The following TSPAN5 variants were observed in gnomAD, a reference collection of about 807,000 sequenced individuals.
TSPAN5 encodes tetraspanin 5.
TSPAN5 carries 10 observed loss-of-function variants against 37.1 expected under a neutral mutation model. That is an observed-to-expected ratio of 0.27 (90% CI 0.17 to 0.46). TSPAN5 has a LOEUF of 0.46. TSPAN5 is among the 20% of genes least tolerant of loss of function. TSPAN5 has a pLI of 1.00. For synonymous variants in TSPAN5, 110 were observed against 118.9 expected, an observed-to-expected ratio of 0.93 and a Z score of 0.48; for missense variants, 195 against 326.6, an observed-to-expected ratio of 0.60 and a Z score of 3.11.
chr4:98,478,235 C>A (rs1042322948), intron 5 of TSPAN5, among the ~76,000 whole-genome samples: 7 of 152,190 alleles, frequency 4.6e-5, no homozygotes, highest in African/African-American at 1.7e-4. Context: ...GGGTTACTAA[C>A]CCCAAACCAA....
chr4:98,512,258 T>TTATG lies in TSPAN5; in HGVS notation c.82-4531_82-4530insCATA, dbSNP rs767862888. 1.6e-4 allele frequency among the ~76,000 whole-genome samples: 24 copies of TTATG among 152,072 alleles called. No individual in the cohort carries two copies. In the East Asian group the frequency reaches 2.1e-3, roughly 13 times the overall value. On this transcript the variant is annotated intron_variant, in intron 1 of 7. Transcript: ENST00000305798. ...GAAATTTTAAGTATTCCTCCCAAGATCATAAAGGTGCCTGAGCTACATTGC... is the reference window on the plus strand; with the variant it reads ...GAAATTTTAAGTATTCCTCCCAAGATTATGCATAAAGGTGCCTGAGCTACATTGC...
At chr4:98,524,756 C>G (rs969004673) in intron 1 of TSPAN5, among the ~76,000 whole-genome samples, 7 of 151,864 alleles carry the variant, frequency 4.6e-5, no homozygotes, top group Non-Finnish European at 7.4e-5. Flanking sequence ...TCATAAGTCC[C>G]TATTAACTGT....
chr4:98,530,890 T>C (rs1393846622), intron 1 of TSPAN5, among the ~76,000 whole-genome samples: 1 of 152,040 alleles, frequency 6.6e-6, no homozygotes, highest in Non-Finnish European at 1.5e-5. Flanking sequence ...TAGGGGCATG[T>C]GCCACCATAC....
At chr4:98,485,763 T>TTTTTTTTTTTTTC (rs1752946820) in intron 3 of TSPAN5, among the ~76,000 whole-genome samples, 1 of 93,746 alleles carries the variant, frequency 1.1e-5, no homozygotes, top group African/African-American at 4.4e-5. Context: ...TTGGATATGC[T>TTTTTTTTTTTTTC]TTTTTTTTTT....
chr4:98,564,780 C>T (rs956955527), intron 1 of TSPAN5, among the ~76,000 whole-genome samples: 5 of 151,688 alleles, frequency 3.3e-5, no homozygotes, highest in African/African-American at 7.3e-5. Context: ...CTGCAGGCTT[C>T]GCCCCCTGGG....
chr4:98,543,039 G>A (rs1395588155), intron 1 of TSPAN5, among the ~76,000 whole-genome samples: 2 of 152,104 alleles, frequency 1.3e-5, no homozygotes, highest in Admixed American at 1.3e-4. Context: ...ACATACCACT[G>A]GGGGAAAAAT....
At chr4:98,555,218 T>G (rs575045091) in intron 1 of TSPAN5, among the ~76,000 whole-genome samples, 1 of 152,292 alleles carries the variant, frequency 6.6e-6, no homozygotes, top group East Asian at 1.9e-4. Flanking sequence ...TCATAATCCC[T>G]AAGGATCTCT....
At chr4:98,582,965 T>C (rs1182861537) in intron 1 of TSPAN5, among the ~76,000 whole-genome samples, 1 of 152,200 alleles carries the variant, frequency 6.6e-6, no homozygotes, top group Non-Finnish European at 1.5e-5. Context: ...ACATATTCCT[T>C]GGTACCGTAT....
At position 98,489,640 on chromosome 4, in the gene TSPAN5, G is replaced by A. The variant is rs1414244261; in HGVS notation, c.133-2756C>T. On this transcript the variant is annotated intron_variant, in intron 2 of 7. Coordinates refer to ENST00000305798, the MANE Select transcript of TSPAN5 (RefSeq NM_005723.4). ...CACTGACTTCCACCCCTCCGGATCC[G>A]GCAGGGTATCCGCTGTGCTCCTGAT... Among the ~76,000 whole-genome samples the A allele has an allele frequency of 7.2e-5, 11 of 152,268 alleles. 1 individual carries two copies. Among genetic ancestry groups the A allele is most frequent in the African/African-American group, 2.4e-4 (10 of 41,562 alleles).
chr4:98,571,820 C>A (rs1051219920), intron 1 of TSPAN5, among the ~76,000 whole-genome samples: 3 of 152,124 alleles, frequency 2.0e-5, no homozygotes, highest in Non-Finnish European at 2.9e-5. Context: ...TTTGTTCACA[C>A]GTTCAAGAAA....
chr4:98,582,872 G>A (rs1156741619), intron 1 of TSPAN5, among the ~76,000 whole-genome samples: 1 of 152,178 alleles, frequency 6.6e-6, no homozygotes, highest in African/African-American at 2.4e-5. Context: ...TCACTGGAAA[G>A]AAGAAAAGTG....
At chr4:98,557,839 T>C (rs946966830) in intron 1 of TSPAN5, among the ~76,000 whole-genome samples, 7 of 152,156 alleles carry the variant, frequency 4.6e-5, no homozygotes, top group Admixed American at 2.6e-4. Flanking sequence ...AGTCTAATCA[T>C]GAGAAAAACA....
At chr4:98,580,653 G>A (rs1381027251) in intron 1 of TSPAN5, among the ~76,000 whole-genome samples, 1 of 152,042 alleles carries the variant, frequency 6.6e-6, no homozygotes, top group Non-Finnish European at 1.5e-5. Context: ...AACTAGGGAG[G>A]GTGTCTAATG....
chr4:98,539,770 C>T (rs1052100310), intron 1 of TSPAN5, among the ~76,000 whole-genome samples: 19 of 152,150 alleles, frequency 1.2e-4, no homozygotes, highest in Admixed American at 2.6e-4. Context: ...AATATTATAC[C>T]GGGGTTGGTT....
chr4:98,631,801 C>T (rs761793619), intron 1 of TSPAN5, among the ~76,000 whole-genome samples: 6 of 152,196 alleles, frequency 3.9e-5, no homozygotes, highest in Non-Finnish European at 7.4e-5. Context: ...CTGAGGCAGA[C>T]GAGCATCTGC....
At chr4:98,591,060 C>CT (rs904871060) in intron 1 of TSPAN5, among the ~76,000 whole-genome samples, 109 of 148,182 alleles carry the variant, frequency 7.4e-4, no homozygotes, top group African/African-American at 2.5e-3. Context: ...CATGCTTTTC[C>CT]TTTTTTTTGT....
intron 7 of TSPAN5, among the ~76,000 whole-genome samples, chr4:98,473,704 C>T (rs1273453672): frequency 2.6e-5 from 4 of 152,190 alleles, no homozygotes; most frequent in East Asian, 1.9e-4. Flanking sequence ...CATGATCCAC[C>T]CGCCTCGGCC....
chr4:98,575,387 A>G (rs919757149), intron 1 of TSPAN5, among the ~76,000 whole-genome samples: 8 of 147,314 alleles, frequency 5.4e-5, no homozygotes, highest in African/African-American at 2.0e-4. Flanking sequence ...TTTAAAGCCC[A>G]TACTGTCAGT....
At chr4:98,538,463 C>T (rs539306205) in intron 1 of TSPAN5, among the ~76,000 whole-genome samples, 17 of 152,298 alleles carry the variant, frequency 1.1e-4, no homozygotes, top group African/African-American at 3.1e-4. Flanking sequence ...ACAGCCACCC[C>T]GCCACCAGAG....
Sources: allele counts gnomAD v4.1 joint callset (sites outside exome capture counted in the v4.1 genomes callset), GRCh38; gene constraint gnomAD v4.1.1; transcripts MANE v1.5; gene names NCBI Gene and HGNC (gene_info 2026-07-23, HGNC 2026-07-21).